DSE: variants seen among roughly 807,000 people sequenced by gnomAD.
The protein encoded by DSE is dermatan sulfate epimerase.
In DSE, 36 loss-of-function variants were observed where a neutral mutation model predicts 84.4. The observed-to-expected ratio is 0.43, with a 90% CI of 0.33 to 0.56. DSE has a LOEUF of 0.56. Ranked by LOEUF, DSE falls within the 20% of genes least tolerant of loss-of-function variation. DSE has a pLI of 0.06. For synonymous variants in DSE, 410 were observed against 430.1 expected, an observed-to-expected ratio of 0.95 and a Z score of 0.58; for missense variants, 862 against 1,169.6, an observed-to-expected ratio of 0.74 and a Z score of 3.84.
At chr6:116,381,470 T>A (rs1780220984) in intron 1 of DSE, among the ~76,000 whole-genome samples, 1 of 152,174 alleles carries the variant, frequency 6.6e-6, no homozygotes, top group Non-Finnish European at 1.5e-5. Flanking sequence ...TTATGATTTG[T>A]AAAGATAGTT....
intron 2 of DSE, among the ~76,000 whole-genome samples, chr6:116,294,109 GACCTCCTGGGCTCA>G (rs917650329): frequency 6.6e-6 from 1 of 151,884 alleles, no homozygotes; most frequent in African/African-American, 2.4e-5. Context: ...CTGCAGCCTC[GACCTCCTGGGCTCA>G]AGCAATCCTC....
At chr6:116,403,929 G>A (rs905770044) in intron 2 of DSE, among the ~76,000 whole-genome samples, 2 of 152,180 alleles carry the variant, frequency 1.3e-5, no homozygotes, top group African/African-American at 4.8e-5. Context: ...ATCCCTCGAT[G>A]GAGGATCTCC....
intron 2 of DSE, among the ~76,000 whole-genome samples, chr6:116,270,775 A>G (rs1004241053): frequency 8.5e-5 from 13 of 152,224 alleles, no homozygotes; most frequent in African/African-American, 3.1e-4. Flanking sequence ...TTTTAGATAT[A>G]TTTTTATGGC....
intron 2 of DSE, among the ~76,000 whole-genome samples, chr6:116,284,888 A>G (rs1032944563): frequency 6.6e-6 from 1 of 152,026 alleles, no homozygotes; most frequent in Non-Finnish European, 1.5e-5. Flanking sequence ...CATGGTGTAT[A>G]TGTGCCACGT....
chr6:116,270,631 G>T (rs1772839187), intron 2 of DSE, among the ~76,000 whole-genome samples: 1 of 152,068 alleles, frequency 6.6e-6, no homozygotes, highest in Non-Finnish European at 1.5e-5. Context: ...CATTTTTAAA[G>T]ACAGGATACA....
intron 2 of DSE, among the ~76,000 whole-genome samples, chr6:116,415,179 T>A (rs1266270932): frequency 6.6e-6 from 1 of 152,194 alleles, no homozygotes; most frequent in Non-Finnish European, 1.5e-5. Context: ...TCTGTATATG[T>A]TTTTTCTTCC....
chr6:116,399,250 G>A lies in DSE; in HGVS notation c.-1G>A, dbSNP rs753684440. 1.8e-5 allele frequency: 29 copies of A among 1,613,558 alleles called. No individual in the cohort carries two copies. The highest frequency in any genetic ancestry group is 1.6e-4 in the Middle Eastern group (1 of 6,084). ...TGGAGATTTGGAGATCTGATGCCAC[G>A]ATGAGGACTCACACACGGGGGGCTC... On this transcript the variant is annotated 5_prime_UTR_variant, in exon 2 of 6. Coordinates refer to ENST00000644252, the MANE Select transcript of DSE (RefSeq NM_013352.4).
At chr6:116,295,654 C>A (rs1774617455) in intron 2 of DSE, among the ~76,000 whole-genome samples, 1 of 152,078 alleles carries the variant, frequency 6.6e-6, no homozygotes, top group Admixed American at 6.6e-5. Flanking sequence ...TTTTTTGACA[C>A]TGTTAGTTTC....
At chr6:116,285,288 T>C (rs1562203838) in intron 2 of DSE, among the ~76,000 whole-genome samples, 3 of 152,234 alleles carry the variant, frequency 2.0e-5, no homozygotes, top group Admixed American at 2.0e-4. Context: ...GAGCATTTTT[T>C]CATGTGTCTG....
intron 2 of DSE, among the ~76,000 whole-genome samples, chr6:116,408,939 G>A (rs1782114168): frequency 6.6e-6 from 1 of 152,214 alleles, no homozygotes; most frequent in South Asian, 2.1e-4. Flanking sequence ...GTTAAGCAAG[G>A]GGAGGCGATA....
At chr6:116,279,012 C>T in intron 2 of DSE, 6 of 1,614,116 alleles carry the variant, frequency 3.7e-6, no homozygotes, top group Non-Finnish European at 5.1e-6. Flanking sequence ...CCGGGATATT[C>T]TGAATGATGT....
chr6:116,345,051 C>A (rs1450815890), intron 2 of DSE, among the ~76,000 whole-genome samples: 1 of 152,164 alleles, frequency 6.6e-6, no homozygotes, highest in African/African-American at 2.4e-5. Flanking sequence ...GTAAATGGAT[C>A]AATTCAACAA....
intron 1 of DSE, among the ~76,000 whole-genome samples, chr6:116,397,050 G>A (rs1053311478): frequency 1.3e-5 from 2 of 152,020 alleles, no homozygotes; most frequent in Non-Finnish European, 2.9e-5. Flanking sequence ...CTGCATGTAC[G>A]TTGGGTGTGT....
At chr6:116,257,178 T>C (rs560917036) in intron 1 of DSE, 8 of 152,230 alleles carry the variant, frequency 5.3e-5, no homozygotes, top group Non-Finnish European at 1.2e-4. Flanking sequence ...CATATACTTT[T>C]ATGTGCTTAA....
At chr6:116,316,326 T>G (rs540639674) in intron 2 of DSE, among the ~76,000 whole-genome samples, 2 of 152,292 alleles carry the variant, frequency 1.3e-5, no homozygotes, top group South Asian at 4.1e-4. Context: ...ATTTTCCAGC[T>G]GATTCTAAAT....
intron 1 of DSE, among the ~76,000 whole-genome samples, chr6:116,382,409 A>G (rs1780292210): frequency 6.6e-6 from 1 of 152,110 alleles, no homozygotes; most frequent in African/African-American, 2.4e-5. Context: ...GGCCTACACC[A>G]TTCCCCTACG....
At chr6:116,369,018 G>A (rs915821521), upstream of DSE, among the ~76,000 whole-genome samples, 1 of 152,042 alleles carries the variant, frequency 6.6e-6, no homozygotes, top group Non-Finnish European at 1.5e-5. Flanking sequence ...ATTGTGGGGG[G>A]TGTGAGGGTA....
chr6:116,262,917 T>C (rs9387390), intron 2 of DSE, among the ~76,000 whole-genome samples: 42,922 of 152,150 alleles, frequency 0.28, 7,313 homozygotes, highest in East Asian at 0.68. Context: ...TGTAACTGTA[T>C]GGTTTTGAGT....
intron 2 of DSE, among the ~76,000 whole-genome samples, chr6:116,309,531 A>G (rs755468046): frequency 6.6e-5 from 10 of 152,208 alleles, no homozygotes; most frequent in Non-Finnish European, 8.8e-5. Flanking sequence ...CTTTGCTTAT[A>G]TTAACCCAAA....
Sources: gnomAD v4.1 joint callset for allele counts (sites outside exome capture counted in the v4.1 genomes callset) on GRCh38, gnomAD v4.1.1 for gene constraint, MANE v1.5 for transcripts, NCBI Gene and HGNC (gene_info 2026-07-23, HGNC 2026-07-21) for gene names.